Variants in DLG2 observed in about 807,000 individuals in gnomAD.
DLG2 encodes disks large homolog 2.
In DLG2, 45 loss-of-function variants were observed where a neutral mutation model predicts 132.5. That is an observed-to-expected ratio of 0.34 (90% CI 0.27 to 0.44). The LOEUF is 0.44. Ranked by LOEUF, DLG2 falls within the 20% of genes least tolerant of loss-of-function variation. The pLI, the probability that DLG2 is intolerant of heterozygous loss-of-function variation, is 1.00. For missense variants in DLG2, 1,045 were observed against 1,196.9 expected (o/e 0.87, Z 1.87); for synonymous variants, 424 against 419.6 (o/e 1.01, Z -0.13).
chr11:84,680,254 G>A (rs1451247872), intron 6 of DLG2, among the ~76,000 whole-genome samples: 1 of 152,080 alleles, frequency 6.6e-6, no homozygotes, highest in Non-Finnish European at 1.5e-5. Flanking sequence ...GTTTTCACCA[G>A]TTATGTCTAT....
chr11:84,052,274 C>T (rs1038368721), intron 11 of DLG2, among the ~76,000 whole-genome samples: 1 of 151,638 alleles, frequency 6.6e-6, no homozygotes, highest in Non-Finnish European at 1.5e-5. Context: ...ATACACATAA[C>T]ATAAATATAT....
intron 8 of DLG2, among the ~76,000 whole-genome samples, chr11:84,174,296 A>G (rs538164903): frequency 6.6e-6 from 1 of 152,134 alleles, no homozygotes; most frequent in East Asian, 1.9e-4. Flanking sequence ...ACATCAATCT[A>G]TTCTTCATAT....
intron 3 of DLG2, among the ~76,000 whole-genome samples, chr11:85,407,802 G>A (rs2152974972): frequency 6.6e-6 from 1 of 151,946 alleles, no homozygotes; most frequent in Non-Finnish European, 1.5e-5. Flanking sequence ...TCAGCCATGA[G>A]TTATAGGCAG....
intron 9 of DLG2, among the ~76,000 whole-genome samples, chr11:84,160,620 A>AT (rs562608621): frequency 4.3e-3 from 652 of 152,248 alleles, no homozygotes; most frequent in African/African-American, 0.014. Flanking sequence ...ACGGTTACTT[A>AT]TTTTTTCTAA....
chr11:83,621,847 C>T (rs1441624768), intron 19 of DLG2, among the ~76,000 whole-genome samples: 3 of 152,046 alleles, frequency 2.0e-5, no homozygotes, highest in Non-Finnish European at 2.9e-5. Context: ...GGGTATGAGA[C>T]CTGTGTTCCC....
At chr11:84,107,443 T>C (rs1279856212) in intron 9 of DLG2, among the ~76,000 whole-genome samples, 1 of 151,638 alleles carries the variant, frequency 6.6e-6, no homozygotes, top group African/African-American at 2.4e-5. Flanking sequence ...AATTTATTAA[T>C]AGTGCTTTGT....
Position 84,448,196 on chromosome 11 carries a change from G to A in DLG2, c.519+86374C>T, listed in dbSNP as rs73523774. Among the ~76,000 whole-genome samples, 246 of 152,118 alleles carry A rather than the reference G, an allele frequency of 1.6e-3. 1 individual carries two copies. Among genetic ancestry groups the A allele is most frequent in the African/African-American group, 5.7e-3 (237 of 41,538 alleles). On this transcript the variant is annotated intron_variant, in intron 7 of 27. Transcript: ENST00000376104. ...GGAACTTTCTTTTAAGTAAAATTCAGTTAGCCTGGTATTCTAGCTATCTCA... is the reference window on the plus strand; with the variant it reads ...GGAACTTTCTTTTAAGTAAAATTCAATTAGCCTGGTATTCTAGCTATCTCA...
At chr11:84,438,036 A>G (rs749102375) in intron 7 of DLG2, among the ~76,000 whole-genome samples, 1 of 152,204 alleles carries the variant, frequency 6.6e-6, no homozygotes, top group Non-Finnish European at 1.5e-5. Context: ...CAGAACCACC[A>G]TGAATCTGCC....
chr11:84,226,053 C>G (rs888589766), intron 8 of DLG2, among the ~76,000 whole-genome samples: 1 of 152,196 alleles, frequency 6.6e-6, no homozygotes, highest in African/African-American at 2.4e-5. Context: ...TCAAGTGATC[C>G]GCCTGCCTTG....
chr11:83,549,532 C>G (rs181459251), intron 19 of DLG2, among the ~76,000 whole-genome samples: 1 of 152,208 alleles, frequency 6.6e-6, no homozygotes, highest in African/African-American at 2.4e-5. Context: ...GAGCAAGTGT[C>G]CCACAAGTAC....
intron 21 of DLG2, among the ~76,000 whole-genome samples, chr11:83,499,720 A>C (rs553310852): frequency 1.3e-5 from 2 of 149,524 alleles, no homozygotes; most frequent in East Asian, 3.9e-4. Flanking sequence ...CTCAGCTTGC[A>C]GACTGCCTAT....
chr11:83,531,862 G>A (rs1006488032), intron 21 of DLG2, among the ~76,000 whole-genome samples: 1 of 145,706 alleles, frequency 6.9e-6, no homozygotes, highest in Non-Finnish European at 1.5e-5. Context: ...AACACGTCTT[G>A]AAAACAATGT....
chr11:85,561,274 A>T (rs1268393723), intron 3 of DLG2, among the ~76,000 whole-genome samples: 1 of 140,546 alleles, frequency 7.1e-6, no homozygotes, highest in Admixed American at 7.6e-5. Context: ...CAAGGTTGCA[A>T]TGAGCTATGA....
chr11:84,531,873 C>A (rs183693522), intron 7 of DLG2, among the ~76,000 whole-genome samples: 72 of 152,096 alleles, frequency 4.7e-4, no homozygotes, highest in Non-Finnish European at 9.4e-4. Flanking sequence ...TTTAAGATTC[C>A]TGGAAGGCAA....
intron 19 of DLG2, among the ~76,000 whole-genome samples, chr11:83,627,334 A>T (rs188962243): frequency 1.3e-5 from 2 of 151,886 alleles, no homozygotes; most frequent in African/African-American, 2.4e-5. Flanking sequence ...CATTAGGTAT[A>T]TCTCCTAATG....
chr11:85,441,508 T>C (rs2091774244), intron 3 of DLG2, among the ~76,000 whole-genome samples: 1 of 152,204 alleles, frequency 6.6e-6, no homozygotes. Context: ...ACTCTCCAAA[T>C]TGGTATCTCT....
At chr11:84,464,838 A>AT (rs1255068129) in intron 7 of DLG2, among the ~76,000 whole-genome samples, 1 of 151,160 alleles carries the variant, frequency 6.6e-6, no homozygotes, top group Non-Finnish European at 1.5e-5. Context: ...GTAGTAATTA[A>AT]TGTTATGTTG....
At chr11:84,131,455 T>C (rs872510) in intron 9 of DLG2, among the ~76,000 whole-genome samples, 104,500 of 151,816 alleles carry the variant, frequency 0.69, 37,019 homozygotes, top group Middle Eastern at 0.82. Flanking sequence ...GTATCTATTT[T>C]TTCGTGTTCC....
chr11:85,355,898 C>G (rs1199923172), intron 3 of DLG2, among the ~76,000 whole-genome samples: 2 of 152,164 alleles, frequency 1.3e-5, no homozygotes, highest in East Asian at 1.9e-4. Flanking sequence ...TGAGATTGTC[C>G]TTTTCCAACA....
Sources: allele counts gnomAD v4.1 joint callset (sites outside exome capture counted in the v4.1 genomes callset), GRCh38; gene constraint gnomAD v4.1.1; transcripts MANE v1.5; gene names NCBI Gene and HGNC (gene_info 2026-07-23, HGNC 2026-07-21).